The following FBXO4 variants were observed in gnomAD, a reference collection of about 807,000 sequenced individuals.
FBXO4 encodes F-box protein 4.
In FBXO4, 36 loss-of-function variants were observed where a neutral mutation model predicts 43.7. That is an observed-to-expected ratio of 0.82 (90% confidence interval 0.63 to 1.09). The LOEUF is 1.09. Among genes scored for constraint, FBXO4 ranks in the 50% least tolerant of loss-of-function variants. FBXO4 has a pLI of 0.00. For missense variants in FBXO4, 435 were observed against 474.1 expected, an observed-to-expected ratio of 0.92 and a Z score of 0.77; for synonymous variants, 180 against 165.6, an observed-to-expected ratio of 1.09 and a Z score of -0.67.
chr5:42,028,145 C>T, the FBXO4 span, among the ~76,000 whole-genome samples: 1 of 151,746 alleles, frequency 6.6e-6, no homozygotes, highest in Admixed American at 6.6e-5. Flanking sequence ...TTGAAGTCTC[C>T]AGCTATTATT....
At chr5:41,942,807 A>T (rs918448011), downstream of FBXO4, among the ~76,000 whole-genome samples, 2 of 152,100 alleles carry the variant, frequency 1.3e-5, no homozygotes, top group Non-Finnish European at 2.9e-5. Flanking sequence ...ATAATTTATT[A>T]TATTTGATCC....
the FBXO4 span, among the ~76,000 whole-genome samples, chr5:42,037,058 T>C: frequency 6.6e-6 from 1 of 152,096 alleles, no homozygotes; most frequent in South Asian, 2.1e-4. Flanking sequence ...AGAGATTTGT[T>C]CTTTTAAAAG....
chr5:42,032,055 TTCTGTG>T, the FBXO4 span, among the ~76,000 whole-genome samples: 11 of 133,674 alleles, frequency 8.2e-5, no homozygotes, highest in African/African-American at 3.2e-4. Flanking sequence ...CTGTCTTTTT[TTCTGTG>T]TGTGTGTGTG....
the FBXO4 span, among the ~76,000 whole-genome samples, chr5:41,983,620 A>G: frequency 6.6e-6 from 1 of 152,072 alleles, no homozygotes; most frequent in Non-Finnish European, 1.5e-5. Flanking sequence ...GTCTTGGCCC[A>G]TCACTTTTCT....
the FBXO4 span, among the ~76,000 whole-genome samples, chr5:42,035,121 T>A: frequency 6.6e-6 from 1 of 152,086 alleles, no homozygotes; most frequent in Non-Finnish European, 1.5e-5. Context: ...GGTCTCTGCT[T>A]GTCTGTTGTT....
the FBXO4 span, among the ~76,000 whole-genome samples, chr5:42,012,597 T>C: frequency 6.6e-5 from 10 of 152,044 alleles, no homozygotes; most frequent in African/African-American, 9.7e-5. Context: ...GAATGCTAAG[T>C]TGGGGGTCAA....
At chr5:42,025,746 A>G in the FBXO4 span, among the ~76,000 whole-genome samples, 1 of 151,968 alleles carries the variant, frequency 6.6e-6, no homozygotes, top group African/African-American at 2.4e-5. Context: ...GTCTAGTTAC[A>G]TTCTTCTGAA....
the FBXO4 span, among the ~76,000 whole-genome samples, chr5:41,989,243 T>C: frequency 1.3e-5 from 2 of 152,156 alleles, no homozygotes; most frequent in Non-Finnish European, 2.9e-5. Context: ...TAAGAAATGC[T>C]TATGAAAAAG....
chr5:42,003,473 T>G, the FBXO4 span, among the ~76,000 whole-genome samples: 1 of 152,230 alleles, frequency 6.6e-6, no homozygotes, highest in Non-Finnish European at 1.5e-5. Flanking sequence ...TCTAGCTAGC[T>G]TATTACCACA....
the FBXO4 span, among the ~76,000 whole-genome samples, chr5:41,999,532 TATAC>T: frequency 9.8e-6 from 1 of 101,932 alleles, no homozygotes; most frequent in African/African-American, 5.3e-5. Flanking sequence ...TACATATATA[TATAC>T]ATATATATGT....
the FBXO4 span, among the ~76,000 whole-genome samples, chr5:42,036,004 G>A: frequency 6.6e-6 from 1 of 152,182 alleles, no homozygotes; most frequent in East Asian, 1.9e-4. Context: ...CAGTGCAAAT[G>A]TCAACACAGT....
At chr5:41,942,414 A>AATTTT (rs1278442422), downstream of FBXO4, among the ~76,000 whole-genome samples, 778 of 152,194 alleles carry the variant, frequency 5.1e-3, 7 homozygotes, top group African/African-American at 0.018. Flanking sequence ...ATGCTTTTAT[A>AATTTT]TCAGCTATCT....
chr5:42,002,559 G>A, the FBXO4 span, among the ~76,000 whole-genome samples: 2 of 152,064 alleles, frequency 1.3e-5, no homozygotes, highest in African/African-American at 4.8e-5. Flanking sequence ...TCTGTGCAAG[G>A]TAGAAGTAGC....
the FBXO4 span, among the ~76,000 whole-genome samples, chr5:42,003,567 C>T: frequency 8.3e-4 from 127 of 152,166 alleles, no homozygotes; most frequent in African/African-American, 2.7e-3. Context: ...ATGTGCACAA[C>T]GTGCAGGTAT....
At chr5:42,029,694 A>G in the FBXO4 span, among the ~76,000 whole-genome samples, 1 of 151,846 alleles carries the variant, frequency 6.6e-6, no homozygotes, top group African/African-American at 2.4e-5. Context: ...CCTGACTCCA[A>G]GCTCACTAAT....
the FBXO4 span, among the ~76,000 whole-genome samples, chr5:42,004,101 C>A: frequency 6.6e-6 from 1 of 152,146 alleles, no homozygotes; most frequent in African/African-American, 2.4e-5. Context: ...TGAAAACCAT[C>A]ATTCTGAGCA....
downstream of FBXO4, among the ~76,000 whole-genome samples, chr5:41,944,879 A>G (rs6881206): frequency 0.23 from 35,559 of 152,146 alleles, 4,563 homozygotes; most frequent in African/African-American, 0.33. Flanking sequence ...TTCACTGGAC[A>G]GGAAACGAAA....
chr5:42,028,024 T>A, the FBXO4 span, among the ~76,000 whole-genome samples: 1 of 152,084 alleles, frequency 6.6e-6, no homozygotes, highest in South Asian at 2.1e-4. Flanking sequence ...GGTGAAATAT[T>A]CTGTAAATAC....
chr5:42,020,745 C>T, the FBXO4 span, among the ~76,000 whole-genome samples: 4 of 152,154 alleles, frequency 2.6e-5, no homozygotes, highest in African/African-American at 9.7e-5. Flanking sequence ...TGGGCCAGAA[C>T]CGGCAGTATG....
Sources: allele counts gnomAD v4.1 joint callset (sites outside exome capture counted in the v4.1 genomes callset), GRCh38; gene constraint gnomAD v4.1.1; transcripts MANE v1.5; gene names NCBI Gene and HGNC (gene_info 2026-07-23, HGNC 2026-07-21).